The following ARMC9 variants were observed in gnomAD, a reference collection of about 807,000 sequenced individuals.
ARMC9 encodes the protein lisH domain-containing protein ARMC9.
In ARMC9, 94 loss-of-function variants were observed where a neutral mutation model predicts 107.0. The ratio of observed to expected loss-of-function variants is 0.88; its 90% confidence interval spans 0.74 to 1.04. The LOEUF (loss-of-function observed/expected upper bound fraction) is 1.04. Ranked by LOEUF, ARMC9 falls within the 50% of genes least tolerant of loss-of-function variation. The pLI is 0.00. For missense variants in ARMC9, 942 were observed against 1,030.1 expected, an observed-to-expected ratio of 0.91 and a Z score of 1.17; for synonymous variants, 380 against 396.9, an observed-to-expected ratio of 0.96 and a Z score of 0.51.
intron 16 of ARMC9, among the ~76,000 whole-genome samples, chr2:231,280,579 G>A (rs1179613496): frequency 2.0e-5 from 3 of 152,080 alleles, no homozygotes; most frequent in Admixed American, 2.0e-4. Flanking sequence ...TTGCTACACT[G>A]TAGTAGTCAT....
chr2:231,295,392 G>C (rs2041288097), intron 18 of ARMC9: 1 of 152,418 alleles, frequency 6.6e-6, no homozygotes, highest in Non-Finnish European at 1.5e-5. Context: ...TGTTCGGGGA[G>C]GAAGAGATGG....
intron 9 of ARMC9, among the ~76,000 whole-genome samples, chr2:231,247,534 C>G (rs1405477628): frequency 2.0e-5 from 3 of 152,200 alleles, no homozygotes; most frequent in African/African-American, 7.2e-5. Flanking sequence ...TGGTGCAATG[C>G]CCTGTGTATT....
chr2:231,258,013 C>G (rs1361542116), intron 10 of ARMC9, among the ~76,000 whole-genome samples: 1 of 144,598 alleles, frequency 6.9e-6, no homozygotes, highest in Non-Finnish European at 1.5e-5. Flanking sequence ...GATCTCCAAT[C>G]CAAGGTCTCT....
intron 12 of ARMC9, among the ~76,000 whole-genome samples, chr2:231,266,711 C>A (rs528748040): frequency 6.6e-6 from 1 of 152,178 alleles, no homozygotes; most frequent in South Asian, 2.1e-4. Context: ...CAGTATTTTT[C>A]TTTTTGTGAC....
intron 7 of ARMC9, among the ~76,000 whole-genome samples, chr2:231,234,844 G>C (rs1189427037): frequency 6.6e-6 from 1 of 152,232 alleles, no homozygotes; most frequent in Non-Finnish European, 1.5e-5. Context: ...GGCCTCAAGT[G>C]ATCTGCCCGC....
At position 231,358,518 on chromosome 2, in the gene ARMC9, T is replaced by C. The variant is rs1027129592; in HGVS notation, c.2132-2236T>C. The stretch of plus-strand genomic sequence containing the variant: ...TCCACTTCCCTTCTCTCACTCACCT[T>C]GCCCCAGGCCCATCCTGGCCCCAGG... On this transcript the variant is annotated intron_variant, in intron 22 of 24. Transcript: ENST00000611582. This position sits in a 1 kb window ranked among gnomAD's most constrained non-coding sequence, Gnocchi z 4.5. Among the ~76,000 whole-genome samples, 1 of 152,162 alleles carries C rather than the reference T, an allele frequency of 6.6e-6. No homozygotes were observed. Among genetic ancestry groups the C allele is most frequent in the Non-Finnish European group, 1.5e-5 (1 of 68,034 alleles).
chr2:231,209,447 G>C (rs2032509855), intron 3 of ARMC9, among the ~76,000 whole-genome samples: 1 of 152,184 alleles, frequency 6.6e-6, no homozygotes, highest in African/African-American at 2.4e-5. Context: ...TAATATGCCA[G>C]GTAAGTAATC....
chr2:231,266,955 A>G (rs774065887), intron 12 of ARMC9, among the ~76,000 whole-genome samples: 5 of 152,224 alleles, frequency 3.3e-5, no homozygotes, highest in South Asian at 2.1e-4. Flanking sequence ...CCATCTATGT[A>G]TATCCCGCAT....
At chr2:231,364,831 G>A (rs775419665) in intron 23 of ARMC9, among the ~76,000 whole-genome samples, 8 of 151,814 alleles carry the variant, frequency 5.3e-5, no homozygotes, top group Non-Finnish European at 8.8e-5. Context: ...AGTGGCCCTC[G>A]GCAGAGCATC....
chr2:231,241,123 G>A (rs997554511), intron 9 of ARMC9, among the ~76,000 whole-genome samples: 2 of 151,488 alleles, frequency 1.3e-5, no homozygotes, highest in Non-Finnish European at 2.9e-5. Context: ...GCTTGAACCC[G>A]GGAGGCAGAG....
At position 231,313,965 on chromosome 2, in the gene ARMC9, G is replaced by T. The variant is rs141110914; in HGVS notation, c.1773+17712G>T. On this transcript the variant is annotated intron_variant, in intron 19 of 24. Coordinates refer to ENST00000611582, the MANE Select transcript of ARMC9 (RefSeq NM_001352754.2). ...TGGTAGGACGGAATCCCACTATGTT[G>T]CCCAGGGTGGTCTTAAACTTCTGGG... 3.6e-3 allele frequency among the ~76,000 whole-genome samples: 486 copies of T among 136,014 alleles called. 4 individuals carry two copies. Among genetic ancestry groups the T allele is most frequent in the African/African-American group, 0.012 (444 of 36,398 alleles). The allele number at this position is 136,014 out of a possible 152,430, so 89.2% of individuals were successfully genotyped here.
chr2:231,370,159 C>G (rs1340582283), intron 24 of ARMC9, 34 bp downstream of exon 24: 2 of 1,478,098 alleles, frequency 1.4e-6, no homozygotes, highest in African/African-American at 1.4e-5. Context: ...GCGTGGGAGC[C>G]TGGCCACCCG....
intron 15 of ARMC9, 110 bp downstream of exon 15, chr2:231,276,885 A>T: frequency 7.1e-7 from 1 of 1,407,782 alleles, no homozygotes; most frequent in African/African-American, 1.4e-5. Flanking sequence ...ATAGAAAACT[A>T]AAAACAGAAA....
chr2:231,342,958 G>C lies in ARMC9; in HGVS notation c.1879-2017G>C, dbSNP rs534393396. On this transcript the variant is annotated intron_variant, in intron 20 of 24. Coordinates refer to ENST00000611582, the MANE Select transcript of ARMC9 (RefSeq NM_001352754.2). ...TTGTTTGAGATGCTCTTGTTGCCCA[G>C]GCTGGAGTGCAATGGTGCCATCTCG... Among the ~76,000 whole-genome samples the C allele has an allele frequency of 2.6e-5, 4 of 152,022 alleles. No individual in the cohort carries two copies. In the East Asian group the frequency reaches 7.8e-4, roughly 29 times the overall value.
At position 231,215,002 on chromosome 2, in the gene ARMC9, G is replaced by A. The variant is rs757763630; in HGVS notation, c.348+1G>A. The A allele has an allele frequency of 6.2e-7, 1 of 1,614,024 alleles. No homozygotes were observed. On this transcript the variant is annotated splice_donor_variant, in intron 4 of 24. Transcript: ENST00000611582. LOFTEE classifies it high-confidence loss of function. Reference sequence around the variant, plus strand: ...TTTGAAGTACTCTGTGGGGAGACCGGTGGGTTTACCTGGTGATGCGGGTGG... The same window carrying A: ...TTTGAAGTACTCTGTGGGGAGACCGATGGGTTTACCTGGTGATGCGGGTGG...
rs540324783 is a variant in ARMC9 at position 231,242,167 on chromosome 2, A to T, written c.879+2126A>T. ...TTCAAATGCTTTTTTTTTTTTTTTTAAACTGGATGGTCAGACAACTGCTTC... is the reference window on the plus strand; with the variant it reads ...TTCAAATGCTTTTTTTTTTTTTTTTTAACTGGATGGTCAGACAACTGCTTC... On this transcript the variant is annotated intron_variant, in intron 9 of 24. Transcript: ENST00000611582. Among the ~76,000 whole-genome samples the T allele has an allele frequency of 1.9e-3, 273 of 144,484 alleles. 1 individual carries two copies. The highest frequency in any genetic ancestry group is 6.4e-3 in the African/African-American group (250 of 39,170). The allele number at this position is 144,484 out of a possible 152,430, so 94.8% of individuals were successfully genotyped here.
At chr2:231,274,014 T>G (rs1214347201) in intron 14 of ARMC9, among the ~76,000 whole-genome samples, 1 of 152,214 alleles carries the variant, frequency 6.6e-6, no homozygotes, top group Admixed American at 6.5e-5. Flanking sequence ...TGTGACTGGC[T>G]TCTCTCACTT....
At chr2:231,210,680 C>T (rs148782945) in intron 3 of ARMC9, among the ~76,000 whole-genome samples, 114 of 152,314 alleles carry the variant, frequency 7.5e-4, no homozygotes, top group African/African-American at 1.9e-3. Flanking sequence ...GTACACTTTC[C>T]GCAACTGGTT....
chr2:231,249,989 C>T (rs1453324552), intron 9 of ARMC9, among the ~76,000 whole-genome samples: 1 of 148,910 alleles, frequency 6.7e-6, no homozygotes, highest in Non-Finnish European at 1.5e-5. Flanking sequence ...GACCACCGCC[C>T]ACCCGTGCAC....
Sources: allele counts gnomAD v4.1 joint callset (sites outside exome capture counted in the v4.1 genomes callset), GRCh38; gene constraint gnomAD v4.1.1; non-coding constraint Gnocchi (gnomAD v3.1); transcripts MANE v1.5; gene names NCBI Gene and HGNC (gene_info 2026-07-23, HGNC 2026-07-21).